The following CFDP1 variants were observed in gnomAD, a reference collection of about 807,000 sequenced individuals.
CFDP1 encodes the protein chromatin remodeling protein CFDP1.
In CFDP1, 31 loss-of-function variants were observed where a neutral mutation model predicts 40.1. The ratio of observed to expected loss-of-function variants is 0.77; its 90% CI spans 0.58 to 1.04. The LOEUF (loss-of-function observed/expected upper bound fraction) is 1.04, where lower values mean the gene tolerates loss of function less well. Ranked by LOEUF, CFDP1 falls within the 50% of genes least tolerant of loss-of-function variation. The probability of loss-of-function intolerance (pLI) is 0.00; values close to 1 mark genes in which losing one functional copy is unlikely to be tolerated. For synonymous variants in CFDP1, 167 were observed against 120.0 expected (o/e 1.39, Z -2.56); for missense variants, 423 against 343.4 (o/e 1.23, Z -1.83).
chr16:75,358,656 T>C (rs747587633), intron 5 of CFDP1, among the ~76,000 whole-genome samples: 2 of 152,114 alleles, frequency 1.3e-5, no homozygotes, highest in Non-Finnish European at 2.9e-5. Flanking sequence ...CTGAAAAAAA[T>C]GACTGGCAGA....
intron 6 of CFDP1, among the ~76,000 whole-genome samples, chr16:75,294,439 T>C (rs942339107): frequency 6.6e-6 from 1 of 152,142 alleles, no homozygotes; most frequent in African/African-American, 2.4e-5. Context: ...ATGCTGTTTT[T>C]CTTGGCTTTA....
At chr16:75,425,145 C>T (rs1031580646) in intron 1 of CFDP1, among the ~76,000 whole-genome samples, 4 of 151,930 alleles carry the variant, frequency 2.6e-5, no homozygotes, top group African/African-American at 9.7e-5. Flanking sequence ...TCAATTCTTC[C>T]CAAAACGGTC....
chr16:75,425,778 A>G (rs1399698369), intron 1 of CFDP1, among the ~76,000 whole-genome samples: 2 of 152,074 alleles, frequency 1.3e-5, no homozygotes, highest in Non-Finnish European at 1.5e-5. Flanking sequence ...TCACTCCTGT[A>G]ATCCCAGCAC....
intron 5 of CFDP1, among the ~76,000 whole-genome samples, chr16:75,327,185 T>G (rs1171955760): frequency 6.6e-6 from 1 of 152,128 alleles, no homozygotes; most frequent in African/African-American, 2.4e-5. Context: ...GAGAATAGCG[T>G]GAACCCGGGA....
chr16:75,362,134 C>T (rs554707737), intron 5 of CFDP1, among the ~76,000 whole-genome samples: 1 of 152,312 alleles, frequency 6.6e-6, no homozygotes, highest in Admixed American at 6.5e-5. Flanking sequence ...ATAAGTCAGA[C>T]GGGACAGTCC....
intron 5 of CFDP1, among the ~76,000 whole-genome samples, chr16:75,383,423 G>C (rs762275353): frequency 5.3e-5 from 8 of 152,132 alleles, no homozygotes; most frequent in Non-Finnish European, 7.3e-5. Flanking sequence ...CTATGATTAG[G>C]ATGAATGACA....
intron 6 of CFDP1, 150 bp downstream of exon 6, chr16:75,304,874 C>T: frequency 1.2e-6 from 1 of 845,356 alleles, no homozygotes; most frequent in Non-Finnish European, 1.9e-6. Flanking sequence ...CACACTGGAA[C>T]AGAGACTTAC....
intron 5 of CFDP1, among the ~76,000 whole-genome samples, chr16:75,316,677 A>G (rs2078324943): frequency 2.0e-5 from 3 of 152,098 alleles, no homozygotes; most frequent in Non-Finnish European, 2.9e-5. Flanking sequence ...AAGTCTTTAA[A>G]AAGTAAAAGA....
intron 5 of CFDP1, among the ~76,000 whole-genome samples, chr16:75,387,281 C>T (rs2078906453): frequency 6.6e-6 from 1 of 152,120 alleles, no homozygotes; most frequent in Admixed American, 6.5e-5. Context: ...CCTGGGACTA[C>T]AGGCGCCCAC....
Position 75,384,852 on chromosome 16 carries a change from CTATATATATATA to C in CFDP1, c.650+10226_650+10237del, listed in dbSNP as rs59681577. ...TACAAGTTGCAAGAAGAAACTAAAA[CTATATATATATA>C]TATATATATATATATATATATATAT... On this transcript the variant is annotated intron_variant, in intron 5 of 6. Coordinates refer to ENST00000283882, the MANE Select transcript of CFDP1 (RefSeq NM_006324.3). Among the ~76,000 whole-genome samples, 569 of 119,910 alleles carry C rather than the reference CTATATATATATA, an allele frequency of 4.7e-3. 9 individuals are homozygous for C. The highest frequency in any genetic ancestry group is 0.018 in the African/African-American group (491 of 27,944). The allele number at this position is 119,910 out of a possible 152,430, so 78.7% of individuals were successfully genotyped here.
rs373156217 is a variant in CFDP1, at chr16:75,430,247, T to G, written c.64+3042A>C. On this transcript the variant is annotated intron_variant, in intron 1 of 6. Transcript: ENST00000283882. ...GTGCAGTGGCGCAACCTCAGCTCAC[T>G]GCAACCCCACGCCCCTGGTTCAAGC... 8.6e-5 allele frequency among the ~76,000 whole-genome samples: 13 copies of G among 152,032 alleles called. No homozygotes were observed. In the East Asian group the frequency reaches 9.6e-4, roughly 11 times the overall value.
In CFDP1 at chr16:75,356,788, T is replaced by C. The variant is rs141152966; in HGVS notation, c.650+38302A>G. ...TTTCATTTACACTGAAAATCTGTTG[T>C]TTAGTGTAGCCACCTTCATCAATTA... is the stretch of plus-strand genomic sequence containing the variant. On this transcript the variant is annotated intron_variant, in intron 5 of 6. Transcript: ENST00000283882. Among the ~76,000 whole-genome samples, 508 of 152,324 alleles carry C rather than the reference T, an allele frequency of 3.3e-3. 2 individuals carry two copies. Among genetic ancestry groups the C allele is most frequent in the African/African-American group, 0.012 (495 of 41,576 alleles).
rs1347625739 is a variant in CFDP1 at position 75,433,437 on chromosome 16, C to T, written c.-85G>A. The T allele has an allele frequency of 6.5e-6, 9 of 1,391,808 alleles. No individual in the cohort carries two copies. The East Asian group carries it at 1.0e-4, about 16-fold the overall frequency. 86.2% of individuals were successfully genotyped at this position (1,391,808 alleles called of 1,614,324 possible). A position where few individuals can be genotyped will look rare whatever the true frequency, so the allele number is the denominator to read the frequency against. On this transcript the variant is annotated 5_prime_UTR_variant, in exon 1 of 7. Coordinates refer to ENST00000283882, the MANE Select transcript of CFDP1 (RefSeq NM_006324.3). ...AAGCTCTAGGGAGAGACCATAGAGCCCCGGCGGCGGCGACGGCAGCTAGGG... is the reference window on the plus strand; with the variant it reads ...AAGCTCTAGGGAGAGACCATAGAGCTCCGGCGGCGGCGACGGCAGCTAGGG...
intron 5 of CFDP1, among the ~76,000 whole-genome samples, chr16:75,394,400 T>C (rs1161074214): frequency 2.0e-5 from 3 of 152,308 alleles, no homozygotes; most frequent in Admixed American, 6.5e-5. Flanking sequence ...AGGAAAACCA[T>C]TAAGTTCCTG....
intron 5 of CFDP1, among the ~76,000 whole-genome samples, chr16:75,354,451 T>C (rs1162783911): frequency 6.6e-6 from 1 of 152,040 alleles, no homozygotes; most frequent in Admixed American, 6.6e-5. Flanking sequence ...ACTCCAGCCT[T>C]AAAGTCATAT....
chr16:75,348,323 G>A (rs1206075269), intron 5 of CFDP1, among the ~76,000 whole-genome samples: 3 of 152,182 alleles, frequency 2.0e-5, no homozygotes, highest in Non-Finnish European at 4.4e-5. Context: ...TTTGATAAAT[G>A]TACTAAGATT....
At chr16:75,431,897 A>G (rs902052057) in intron 1 of CFDP1, among the ~76,000 whole-genome samples, 1 of 145,944 alleles carries the variant, frequency 6.9e-6, no homozygotes, top group African/African-American at 2.5e-5. Context: ...GATGAGGGTG[A>G]TGGGACTGGC....
Position 75,330,985 on chromosome 16 carries a change from A to AC in CFDP1, c.651-25804dup, listed in dbSNP as rs199757743. On this transcript the variant is annotated intron_variant, in intron 5 of 6. Coordinates refer to ENST00000283882, the MANE Select transcript of CFDP1 (RefSeq NM_006324.3). ...ATTAAAAAAAAAAAAAAAAAAAAAA[A>AC]CACAAAGTGGGCCTTATTCACCAGG... 4.7e-3 allele frequency among the ~76,000 whole-genome samples: 672 copies of AC among 142,568 alleles called. 7 individuals carry two copies. The highest frequency in any genetic ancestry group is 0.015 in the East Asian group (73 of 4,914). The allele number at this position is 142,568 out of a possible 152,430, so 93.5% of individuals were successfully genotyped here. A position where few individuals can be genotyped will look rare whatever the true frequency, so the allele number is the denominator to read the frequency against.
intron 5 of CFDP1, among the ~76,000 whole-genome samples, chr16:75,346,582 C>CAAAAAAAAAAAAAAAAAAAAA (rs748081401): frequency 5.1e-5 from 3 of 59,328 alleles, no homozygotes; most frequent in Non-Finnish European, 5.8e-5. Flanking sequence ...GACTCTGTCT[C>CAAAAAAAAAAAAAAAAAAAAA]AAAAAAAAAA....
Sources: allele counts gnomAD v4.1 joint callset (sites outside exome capture counted in the v4.1 genomes callset), GRCh38; gene constraint gnomAD v4.1.1; transcripts MANE v1.5; gene names NCBI Gene and HGNC (gene_info 2026-07-23, HGNC 2026-07-21).